Variants in FCGR1A observed in about 807,000 individuals in gnomAD.
FCGR1A encodes high affinity immunoglobulin gamma Fc receptor I.
In FCGR1A, 13 loss-of-function variants were observed where a neutral mutation model predicts 35.0. That is an observed-to-expected ratio of 0.37 (90% CI 0.24 to 0.59). The LOEUF is 0.59. FCGR1A is among the 20% of genes least tolerant of loss of function. The probability of loss-of-function intolerance (pLI) is 0.71; values close to 1 mark genes in which losing one functional copy is unlikely to be tolerated. For missense variants in FCGR1A, 227 were observed against 430.0 expected, an observed-to-expected ratio of 0.53 and a Z score of 4.17; for synonymous variants, 91 against 164.7, an observed-to-expected ratio of 0.55 and a Z score of 3.43.
At position 149,784,306 on chromosome 1, in the gene FCGR1A, T is replaced by C. The variant is rs782029914; in HGVS notation, c.307+49T>C. 5 of 1,610,140 alleles carry C rather than the reference T, an allele frequency of 3.1e-6. No individual in the cohort carries two copies. In the South Asian group the frequency reaches 5.5e-5, roughly 18 times the overall value. ...GGCCGGAAACCACAAGGTCTTCCTC[T>C]GCGTTCTCTCCTTTCTGGATGCCAG... On this transcript the variant is annotated intron_variant, in intron 3 of 5. Coordinates refer to ENST00000369168, the MANE Select transcript of FCGR1A (RefSeq NM_000566.4).
Position 149,790,129 on chromosome 1 carries a change from G to GATTCACCC in FCGR1A, c.635_636insATTCACCC (p.Cys212Ter). ...GAGGGGAATCTGGTCACCCTGAGCT[G>GATTCACCC]TGAAACAAAGTTGCTCTTGCAGAGG... On this transcript the variant is annotated stop_gained and frameshift_variant, in exon 5 of 6. Coordinates refer to ENST00000369168, the MANE Select transcript of FCGR1A (RefSeq NM_000566.4). LOFTEE classifies it high-confidence loss of function. The GATTCACCC allele has an allele frequency of 6.2e-7, 1 of 1,613,956 alleles. No homozygotes were observed. The highest frequency in any genetic ancestry group is 8.5e-7 in the Non-Finnish European group (1 of 1,179,876).
the FCGR1A span, among the ~76,000 whole-genome samples, chr1:149,797,850 C>T: frequency 6.6e-6 from 1 of 152,112 alleles, no homozygotes; most frequent in Non-Finnish European, 1.5e-5. Context: ...GAGGCCAAGG[C>T]GATCTGCCTA....
At chr1:149,800,155 G>T in the FCGR1A span, among the ~76,000 whole-genome samples, 3 of 152,044 alleles carry the variant, frequency 2.0e-5, no homozygotes, top group African/African-American at 7.2e-5. Context: ...GGGTTTACTG[G>T]TTTATAACAA....
chr1:149,799,936 TG>T, the FCGR1A span, among the ~76,000 whole-genome samples: 1 of 151,934 alleles, frequency 6.6e-6, no homozygotes, highest in Non-Finnish European at 1.5e-5. Flanking sequence ...ACCAGCTGAG[TG>T]TACTCCAATT....
intron 4 of FCGR1A, among the ~76,000 whole-genome samples, chr1:149,789,021 T>C (rs1158386657): frequency 6.6e-6 from 1 of 151,900 alleles, no homozygotes; most frequent in Non-Finnish European, 1.5e-5. Context: ...GGCTATACTG[T>C]CCATCTACCT....
At chr1:149,796,830 G>A in the FCGR1A span, among the ~76,000 whole-genome samples, 4 of 152,076 alleles carry the variant, frequency 2.6e-5, no homozygotes, top group Non-Finnish European at 5.9e-5. Flanking sequence ...ACACTCAGTC[G>A]GTGGCTTTTA....
At chr1:149,793,370 A>G (rs1288725691), downstream of FCGR1A, among the ~76,000 whole-genome samples, 1 of 151,924 alleles carries the variant, frequency 6.6e-6, no homozygotes, top group Non-Finnish European at 1.5e-5. Context: ...GGGATCAGCA[A>G]GCCAGCGGGC....
chr1:149,792,805 G>A, downstream of FCGR1A: 1 of 1,279,820 alleles, frequency 7.8e-7, no homozygotes, highest in Non-Finnish European at 1.0e-6. Context: ...AGCTGTAGGA[G>A]TCGGTGGGCA....
intron 3 of FCGR1A, chr1:149,786,528 T>C (rs1402184819): frequency 2.6e-5 from 4 of 152,262 alleles, no homozygotes; most frequent in South Asian, 2.1e-4. Flanking sequence ...GGGAATTCAA[T>C]TGCAGCTCAC....
chr1:149,792,999 A>G (rs2091750084), downstream of FCGR1A: 1 of 1,273,298 alleles, frequency 7.9e-7, no homozygotes, highest in Non-Finnish European at 1.0e-6. Context: ...CCAGGCGCGT[A>G]GCTGAGTCCC....
At chr1:149,793,929 T>G, downstream of FCGR1A, 4 of 1,284,506 alleles carry the variant, frequency 3.1e-6, no homozygotes, top group Non-Finnish European at 4.1e-6. Flanking sequence ...GCCTTCAGGA[T>G]TTAGGAATAT....
chr1:149,789,903 G>C, intron 4 of FCGR1A, 151 bp from the exon 5 acceptor site: 1 of 1,492,502 alleles, frequency 6.7e-7, no homozygotes, highest in Admixed American at 2.0e-5. Flanking sequence ...GACACCCCAA[G>C]AATGGCTCTC....
At chr1:149,792,993 G>A, downstream of FCGR1A, 2 of 1,275,256 alleles carry the variant, frequency 1.6e-6, no homozygotes, top group Non-Finnish European at 2.0e-6. Context: ...GCCTCCCCAG[G>A]CGCGTAGCTG....
chr1:149,787,109 T>C (rs1396432424), intron 3 of FCGR1A: 3 of 152,232 alleles, frequency 2.0e-5, no homozygotes, highest in Non-Finnish European at 2.9e-5. Flanking sequence ...AAGATGGCAG[T>C]GTTTGGGCAG....
the FCGR1A span, among the ~76,000 whole-genome samples, chr1:149,800,277 C>G: frequency 6.6e-6 from 1 of 152,236 alleles, no homozygotes; most frequent in Non-Finnish European, 1.5e-5. Context: ...GTTCAGCTAT[C>G]CAGAAGCTCT....
chr1:149,790,930 A>G (rs1190558023), intron 5 of FCGR1A, among the ~76,000 whole-genome samples: 11 of 151,910 alleles, frequency 7.2e-5, no homozygotes, highest in Non-Finnish European at 1.2e-4. Context: ...GGGGGAAAAA[A>G]GTTCATCTTC....
the FCGR1A span, among the ~76,000 whole-genome samples, chr1:149,799,239 C>T: frequency 6.8e-6 from 1 of 147,316 alleles, no homozygotes; most frequent in East Asian, 2.0e-4. Flanking sequence ...ATTATTTTCC[C>T]TAGATTTTAA....
intron 3 of FCGR1A, among the ~76,000 whole-genome samples, chr1:149,785,104 G>T (rs1419074034): frequency 2.0e-5 from 3 of 152,212 alleles, no homozygotes; most frequent in African/African-American, 7.2e-5. Flanking sequence ...AAGAGATGGA[G>T]ACTGCAATAT....
downstream of FCGR1A, chr1:149,792,721 C>G (rs587615395): frequency 7.8e-7 from 1 of 1,283,858 alleles, no homozygotes; most frequent in East Asian, 5.6e-5. Flanking sequence ...GCGCGCTTCT[C>G]CGCAGCTCCG....
Sources: allele counts gnomAD v4.1 joint callset (sites outside exome capture counted in the v4.1 genomes callset), GRCh38; gene constraint gnomAD v4.1.1; transcripts MANE v1.5; gene names NCBI Gene and HGNC (gene_info 2026-07-23, HGNC 2026-07-21).